The following CDH4 variants were observed in gnomAD, a reference collection of about 807,000 sequenced individuals.
CDH4 encodes cadherin-4.
A neutral mutation model predicts 86.0 loss-of-function variants in CDH4; 33 were observed. The ratio of observed to expected loss-of-function variants is 0.38; its 90% CI spans 0.29 to 0.51. CDH4 has a LOEUF of 0.51. CDH4 is among the 20% of genes least tolerant of loss of function. CDH4 has a pLI of 0.86. For missense variants in CDH4, 1,114 were observed against 1,307.4 expected (o/e 0.85, Z 2.28); for synonymous variants, 555 against 549.4 (o/e 1.01, Z -0.14).
intron 7 of CDH4, among the ~76,000 whole-genome samples, chr20:61,892,474 G>T (rs534009549): frequency 1.3e-5 from 2 of 152,194 alleles, no homozygotes; most frequent in Non-Finnish European, 1.5e-5. Context: ...TGCAAGCCAG[G>T]AATGAGTCAT....
intron 2 of CDH4, among the ~76,000 whole-genome samples, chr20:61,566,709 C>T (rs2086300658): frequency 6.6e-6 from 1 of 152,096 alleles, no homozygotes; most frequent in Non-Finnish European, 1.5e-5. Flanking sequence ...TTCTAATTTA[C>T]CAGTCATTGC....
At chr20:61,266,178 G>A (rs2084157210) in intron 2 of CDH4, among the ~76,000 whole-genome samples, 1 of 152,118 alleles carries the variant, frequency 6.6e-6, no homozygotes, top group Non-Finnish European at 1.5e-5. Context: ...GTGCTTCCCA[G>A]CCCAGGAAAG....
chr20:61,611,810 C>G (rs2086687480), intron 2 of CDH4, among the ~76,000 whole-genome samples: 1 of 151,942 alleles, frequency 6.6e-6, no homozygotes, highest in Non-Finnish European at 1.5e-5. Flanking sequence ...TGGATCTGAG[C>G]TCTCAAAAAT....
At chr20:61,458,054 GGCA>G (rs2085418981) in intron 2 of CDH4, among the ~76,000 whole-genome samples, 2 of 151,088 alleles carry the variant, frequency 1.3e-5, no homozygotes, top group African/African-American at 2.4e-5. Context: ...CACTGGTGGT[GGCA>G]GCGGTGGTGG....
At chr20:61,551,125 G>A (rs1176890902) in intron 2 of CDH4, among the ~76,000 whole-genome samples, 7 of 152,222 alleles carry the variant, frequency 4.6e-5, no homozygotes, top group Non-Finnish European at 1.0e-4. Context: ...TGTAATGAAA[G>A]AATGTCTATG....
intron 2 of CDH4, among the ~76,000 whole-genome samples, chr20:61,420,674 C>A (rs757328097): frequency 9.2e-5 from 14 of 152,270 alleles, no homozygotes; most frequent in South Asian, 2.1e-4. Context: ...AGCAGCACTC[C>A]TCCTAACAGT....
At chr20:61,350,469 C>T (rs28517447) in intron 2 of CDH4, among the ~76,000 whole-genome samples, 1 of 43,110 alleles carries the variant, frequency 2.3e-5, no homozygotes, top group African/African-American at 1.1e-4. Context: ...GACCTTGCCT[C>T]TCCCACCCAG....
At chr20:61,838,084 G>A (rs546760920) in intron 4 of CDH4, among the ~76,000 whole-genome samples, 17 of 152,072 alleles carry the variant, frequency 1.1e-4, no homozygotes, top group Admixed American at 4.6e-4. Flanking sequence ...GGCCTCCTTA[G>A]GGCCAGGACA....
chr20:61,820,989 C>T (rs1334204283), intron 4 of CDH4, among the ~76,000 whole-genome samples: 1 of 152,036 alleles, frequency 6.6e-6, no homozygotes, highest in East Asian at 1.9e-4. Flanking sequence ...TGGGCCTCAG[C>T]ATATCCTGTA....
chr20:61,892,278 A>G (rs760489523), intron 7 of CDH4, among the ~76,000 whole-genome samples: 3 of 152,134 alleles, frequency 2.0e-5, no homozygotes, highest in Non-Finnish European at 4.4e-5. Flanking sequence ...CATTCCTCAG[A>G]GCTTCTGTTG....
intron 2 of CDH4, among the ~76,000 whole-genome samples, chr20:61,723,555 T>C (rs977132902): frequency 1.3e-5 from 2 of 152,136 alleles, no homozygotes; most frequent in Non-Finnish European, 2.9e-5. Context: ...ATCCTCACTT[T>C]ACAGATACCC....
At chr20:61,809,905 G>A (rs1021708380) in intron 4 of CDH4, among the ~76,000 whole-genome samples, 3 of 152,202 alleles carry the variant, frequency 2.0e-5, no homozygotes, top group Non-Finnish European at 2.9e-5. Context: ...GGTGAAGAGC[G>A]TGTGCATTGC....
rs79886541 is a variant in CDH4, at chr20:61,334,782, C to T, written c.169+79845C>T. 7.3e-3 allele frequency among the ~76,000 whole-genome samples: 1,105 copies of T among 152,314 alleles called. 16 individuals carry two copies. The highest frequency in any genetic ancestry group is 0.023 in the African/African-American group (941 of 41,560). On this transcript the variant is annotated intron_variant, in intron 2 of 15. Coordinates refer to ENST00000614565, the MANE Select transcript of CDH4 (RefSeq NM_001794.5). ...CGCCTCCTGGGGTGGAAGCTCATGT[C>T]CTTTGCTCAGTCTGTGAGGGTCATT...
chr20:61,812,718 T>C (rs1051947092), intron 4 of CDH4, among the ~76,000 whole-genome samples: 6 of 152,154 alleles, frequency 3.9e-5, no homozygotes, highest in African/African-American at 7.2e-5. Flanking sequence ...ATACGGGGAG[T>C]TGGGGCTTGG....
intron 2 of CDH4, among the ~76,000 whole-genome samples, chr20:61,638,794 G>A (rs1055386348): frequency 2.6e-5 from 4 of 152,136 alleles, no homozygotes; most frequent in South Asian, 2.1e-4. Flanking sequence ...GATGGATGAC[G>A]GATGGGTTAT....
intron 2 of CDH4, among the ~76,000 whole-genome samples, chr20:61,411,557 C>T (rs746739344): frequency 6.6e-6 from 1 of 151,938 alleles, no homozygotes. Flanking sequence ...GGGCTGGGCA[C>T]GTGGTGCTGT....
At chr20:61,872,035 G>A (rs930834019) in intron 6 of CDH4, among the ~76,000 whole-genome samples, 1 of 152,196 alleles carries the variant, frequency 6.6e-6, no homozygotes, top group Non-Finnish European at 1.5e-5. Flanking sequence ...GGCGAGGTGG[G>A]GGAGGGGCGA....
At chr20:61,919,914 A>AAGCGTGGTATCGCGGCGATTG (rs2054949399) in intron 9 of CDH4, among the ~76,000 whole-genome samples, 6 of 36,042 alleles carry the variant, frequency 1.7e-4, no homozygotes, top group Non-Finnish European at 2.5e-4. Flanking sequence ...TATCGTGATT[A>AAGCGTGGTATCGCGGCGATTG]TGTGGAAGCG....
chr20:61,763,946 C>T (rs539981690), intron 3 of CDH4, among the ~76,000 whole-genome samples: 4 of 152,288 alleles, frequency 2.6e-5, no homozygotes, highest in Non-Finnish European at 4.4e-5. Flanking sequence ...CAGAAAAAGA[C>T]GATCATGTAA....
Sources: allele counts gnomAD v4.1 joint callset (sites outside exome capture counted in the v4.1 genomes callset), GRCh38; gene constraint gnomAD v4.1.1; transcripts MANE v1.5; gene names NCBI Gene and HGNC (gene_info 2026-07-23, HGNC 2026-07-21).